The following NRXN3 variants were observed in gnomAD, a reference collection of about 807,000 sequenced individuals.
The protein encoded by NRXN3 is neurexin 3, also known as neurexin III.
In NRXN3, 32 loss-of-function variants were observed where a neutral mutation model predicts 137.6. That is an observed-to-expected ratio of 0.23 (90% CI 0.18 to 0.31). The LOEUF (loss-of-function observed/expected upper bound fraction) is 0.31. Ranked by LOEUF, NRXN3 falls within the 10% of genes least tolerant of loss-of-function variation. NRXN3 has a pLI of 1.00. For missense variants in NRXN3, 1,574 were observed against 2,062.5 expected (o/e 0.76, Z 4.59); for synonymous variants, 798 against 784.5 (o/e 1.02, Z -0.29).
rs111872358 is a variant in NRXN3, at chr14:78,963,934, AT to A, written c.2396-2081del. ...GTACATACCTCTATGCCTGGCTAAT[AT>A]TTTTTTTTTAATTTGTAGAGACTGG... is the stretch of plus-strand genomic sequence containing the variant. On this transcript the variant is annotated intron_variant, in intron 11 of 20. Coordinates refer to ENST00000335750, the MANE Select transcript of NRXN3 (RefSeq NM_001330195.2). Among the ~76,000 whole-genome samples, 45 of 149,586 alleles carry A rather than the reference AT, an allele frequency of 3.0e-4. 1 individual carries two copies. The highest frequency in any genetic ancestry group is 7.9e-4 in the East Asian group (4 of 5,088).
intron 15 of NRXN3, among the ~76,000 whole-genome samples, chr14:79,380,660 G>A (rs1019880877): frequency 4.6e-5 from 7 of 152,200 alleles, no homozygotes; most frequent in South Asian, 4.1e-4. Context: ...ATAAACATAC[G>A]TGTGCATGTG....
intron 4 of NRXN3, among the ~76,000 whole-genome samples, chr14:78,472,208 T>G (rs984566773): frequency 6.6e-6 from 1 of 152,176 alleles, no homozygotes; most frequent in African/African-American, 2.4e-5. Context: ...TAGTTTTGCC[T>G]CTTTCTTGGT....
chr14:78,973,901 C>G (rs1016250896), intron 14 of NRXN3, among the ~76,000 whole-genome samples: 10 of 152,190 alleles, frequency 6.6e-5, no homozygotes, highest in Non-Finnish European at 1.2e-4. Flanking sequence ...AGATCATTGA[C>G]TTTGCTGTGA....
At chr14:78,933,406 C>T (rs974912800) in intron 10 of NRXN3, among the ~76,000 whole-genome samples, 10 of 152,306 alleles carry the variant, frequency 6.6e-5, no homozygotes, top group African/African-American at 2.4e-4. Context: ...GCACAGTATA[C>T]TTCCTGTTTT....
intron 15 of NRXN3, among the ~76,000 whole-genome samples, chr14:79,271,958 G>C (rs538312976): frequency 1.2e-4 from 18 of 152,286 alleles, no homozygotes; most frequent in South Asian, 4.1e-4. Flanking sequence ...GGCTCAAAAA[G>C]TTTAAGGTAA....
chr14:79,113,757 C>T (rs1282481524), intron 15 of NRXN3, among the ~76,000 whole-genome samples: 1 of 152,150 alleles, frequency 6.6e-6, no homozygotes, highest in African/African-American at 2.4e-5. Flanking sequence ...TTCCATGCAA[C>T]TTTTGATACT....
chr14:79,633,497 C>A (rs2098377441), intron 16 of NRXN3, among the ~76,000 whole-genome samples: 1 of 152,134 alleles, frequency 6.6e-6, no homozygotes, highest in Admixed American at 6.5e-5. Context: ...AGTTGTATCT[C>A]CCTCATTGAT....
intron 16 of NRXN3, among the ~76,000 whole-genome samples, chr14:79,594,418 G>A (rs2097842081): frequency 6.6e-6 from 1 of 152,110 alleles, no homozygotes. Flanking sequence ...GAGAAAAAAA[G>A]GTGATGAATT....
chr14:78,782,581 T>A (rs1359404065), intron 8 of NRXN3, among the ~76,000 whole-genome samples: 1 of 152,216 alleles, frequency 6.6e-6, no homozygotes, highest in South Asian at 2.1e-4. Context: ...ATGCCTAATA[T>A]GTGACAGGGA....
chr14:78,608,723 G>C (rs897608418), intron 4 of NRXN3, among the ~76,000 whole-genome samples: 1 of 152,172 alleles, frequency 6.6e-6, no homozygotes, highest in African/African-American at 2.4e-5. Context: ...ATGCAGAATT[G>C]AATAGCCTAG....
At chr14:79,803,899 G>A (rs1463213774) in intron 19 of NRXN3, among the ~76,000 whole-genome samples, 1 of 144,826 alleles carries the variant, frequency 6.9e-6, no homozygotes. Flanking sequence ...AAGTGTGTGT[G>A]TATATATATA....
intron 4 of NRXN3, among the ~76,000 whole-genome samples, chr14:78,536,116 A>G (rs1002940882): frequency 6.6e-6 from 1 of 152,192 alleles, no homozygotes; most frequent in Non-Finnish European, 1.5e-5. Flanking sequence ...AAGTCAATGC[A>G]ACTTCGATCA....
chr14:79,285,910 G>C (rs978429491), intron 15 of NRXN3, among the ~76,000 whole-genome samples: 1 of 119,236 alleles, frequency 8.4e-6, no homozygotes, highest in South Asian at 2.9e-4. Flanking sequence ...AAGTAAAACT[G>C]TACTGTTCAG....
rs1031358084 is a variant in NRXN3, at chr14:78,747,504, G to T, written c.2044+32365G>T. On this transcript the variant is annotated intron_variant, in intron 8 of 20. Coordinates refer to ENST00000335750, the MANE Select transcript of NRXN3 (RefSeq NM_001330195.2). ...GCTTCTTATTTCACGTGCTTTAGTGGTATTTACAGAGCCCTGGTGCAAGAG... is the reference window on the plus strand; with the variant it reads ...GCTTCTTATTTCACGTGCTTTAGTGTTATTTACAGAGCCCTGGTGCAAGAG... Among the ~76,000 whole-genome samples the T allele has an allele frequency of 2.6e-5, 4 of 152,148 alleles. No individual in the cohort carries two copies. In the East Asian group the frequency reaches 7.7e-4, roughly 29 times the overall value.
At chr14:79,143,531 G>GC (rs2059013364) in intron 15 of NRXN3, among the ~76,000 whole-genome samples, 12 of 152,308 alleles carry the variant, frequency 7.9e-5, no homozygotes, top group Middle Eastern at 3.4e-3. Context: ...CTTAAATCAA[G>GC]CTTGAAGGGA....
At chr14:79,208,337 T>C (rs977340891) in intron 15 of NRXN3, among the ~76,000 whole-genome samples, 1 of 152,194 alleles carries the variant, frequency 6.6e-6, no homozygotes. Context: ...ATTCATTCAT[T>C]AGGCTCTATG....
chr14:79,243,779 A>G (rs2153353459), intron 15 of NRXN3, among the ~76,000 whole-genome samples: 1 of 152,244 alleles, frequency 6.6e-6, no homozygotes, highest in Non-Finnish European at 1.5e-5. Flanking sequence ...GGATAGCAAA[A>G]ACATGGTATT....
At chr14:78,234,816 A>C (rs552941850) in intron 1 of NRXN3, among the ~76,000 whole-genome samples, 1 of 150,488 alleles carries the variant, frequency 6.6e-6, no homozygotes, top group Non-Finnish European at 1.5e-5. Flanking sequence ...TAAATGAAAA[A>C]CTTTCTTTTC....
intron 4 of NRXN3, among the ~76,000 whole-genome samples, chr14:78,571,075 C>A (rs1338183389): frequency 6.6e-6 from 1 of 152,226 alleles, no homozygotes; most frequent in Non-Finnish European, 1.5e-5. Flanking sequence ...GTCTTGGCAG[C>A]CTCTGGCATT....
Sources: gnomAD v4.1 joint callset for allele counts (sites outside exome capture counted in the v4.1 genomes callset) on GRCh38, gnomAD v4.1.1 for gene constraint, MANE v1.5 for transcripts, NCBI Gene and HGNC (gene_info 2026-07-23, HGNC 2026-07-21) for gene names.